The following PCDHGB4 variants were observed in gnomAD, a reference collection of about 807,000 sequenced individuals.
The protein encoded by PCDHGB4 is protocadherin gamma subfamily B, 4, also known as protocadherin gamma-B4.
Under a neutral mutation model 60.5 loss-of-function variants are expected in PCDHGB4, and 38 were observed. The observed-to-expected ratio is 0.63, with a 90% confidence interval of 0.48 to 0.82. The LOEUF is 0.82. PCDHGB4 is among the 40% of genes least tolerant of loss of function. The probability of loss-of-function intolerance (pLI) is 0.00; values close to 1 mark genes in which losing one functional copy is unlikely to be tolerated. For missense variants in PCDHGB4, 1,109 were observed against 1,209.6 expected, an observed-to-expected ratio of 0.92 and a Z score of 1.23; for synonymous variants, 456 against 509.7, an observed-to-expected ratio of 0.89 and a Z score of 1.42.
rs754836894 is a variant in PCDHGB4, at chr5:141,432,969, C to A, written c.2397+42688C>A. 6.2e-7 allele frequency: 1 copy of A among 1,614,148 alleles called. No individual in the cohort carries two copies. Among genetic ancestry groups the A allele is most frequent in the East Asian group, 2.2e-5 (1 of 44,852 alleles). ...GGAGGCGGCTTGACAGGAGCGCCGG[C>A]GTCGCACTTTGTGGGCGTGGACGGG... is the stretch of plus-strand genomic sequence containing the variant. On this transcript the variant is annotated intron_variant, in intron 1 of 3. Coordinates refer to ENST00000519479, the MANE Select transcript of PCDHGB4 (RefSeq NM_003736.4). This position sits in a 1 kb window ranked among gnomAD's most constrained non-coding sequence, Gnocchi z 6.0.
In PCDHGB4 at chr5:141,462,383, G is replaced by A. The variant is rs78537075; in HGVS notation, c.2398-32424G>A. Among the ~76,000 whole-genome samples the A allele has an allele frequency of 5.6e-4, 85 of 151,920 alleles. 1 individual carries two copies. In the East Asian group the frequency reaches 0.016, roughly 29 times the overall value. ...GTATAGTTTCTATTCTTTTAAATTC[G>A]TTAACATTTCTTTTATGGCACAGAA... On this transcript the variant is annotated intron_variant, in intron 1 of 3. Transcript: ENST00000519479.
chr5:141,442,343 G>A (rs1300318674), intron 1 of PCDHGB4: 1 of 152,336 alleles, frequency 6.6e-6, no homozygotes, highest in African/African-American at 2.4e-5. Context: ...CAGGTTTCTG[G>A]GTAACTGTAG....
chr5:141,389,676 C>T lies in PCDHGB4; in HGVS notation c.1792C>T (p.His598Tyr). ...AGTGGCGGTGGACGCAGACTCAGGA[C>T]ACAACGCCTGGCTGTCCTACCACGT... is the stretch of plus-strand genomic sequence containing the variant. ...KVVAVDADSG[H>Y]NAWLSYHVLQ... The change falls in exon 1 of 4, where the codon CAC (histidine) becomes TAC (tyrosine). Residue 598 changes from histidine to tyrosine, a missense_variant. Physicochemically the swap from His to Tyr is moderately conservative, Grantham distance 83. Around this residue, in one of 2 missense-constraint regions of PCDHGB4, gnomAD observed 1,068 missense variants for 1,089.9 expected, o/e 0.98. Transcript: ENST00000519479. The T allele has an allele frequency of 6.2e-7, 1 of 1,612,444 alleles. No homozygotes were observed. Among genetic ancestry groups the T allele is most frequent in the Non-Finnish European group, 8.5e-7 (1 of 1,179,806 alleles).
chr5:141,467,874 G>T (rs926647135), intron 1 of PCDHGB4, among the ~76,000 whole-genome samples: 1 of 151,920 alleles, frequency 6.6e-6, no homozygotes, highest in Non-Finnish European at 1.5e-5. Context: ...GCCCAGGCTG[G>T]TCTCAAACTC....
intron 2 of PCDHGB4, among the ~76,000 whole-genome samples, chr5:141,499,022 A>C (rs1244590420): frequency 2.7e-5 from 4 of 150,722 alleles, no homozygotes; most frequent in Admixed American, 2.0e-4. Context: ...GGAAGGAAGG[A>C]AGGAAGAAAA....
chr5:141,418,363 C>G (rs147423305), intron 1 of PCDHGB4: 1 of 1,613,866 alleles, frequency 6.2e-7, no homozygotes, highest in Non-Finnish European at 8.5e-7. Context: ...ATTCGCTGAG[C>G]AAATACCAAC....
At chr5:141,428,154 T>G (rs760002801) in intron 1 of PCDHGB4, 29 of 1,578,806 alleles carry the variant, frequency 1.8e-5, no homozygotes, top group African/African-American at 1.3e-5. Flanking sequence ...CACGGGAACC[T>G]GCTGGTTGCT....
In PCDHGB4 at chr5:141,511,086, G is replaced by A. The variant is rs2099883600; in HGVS notation, c.2685G>A (p.Leu895=). The A allele has an allele frequency of 1.2e-6, 2 of 1,614,062 alleles. No individual in the cohort carries two copies. The highest frequency in any genetic ancestry group is 2.2e-5 in the East Asian group (1 of 44,886). The change falls in exon 4 of 4, where the codon CTG becomes CTA. Residue 895 remains leucine (L), a synonymous_variant. Transcript: ENST00000519479. ...ACATCCCAGGCAGCAATGCCACACT[G>A]ACCAACGCAGCTGGCAAGCGGGATG... is the stretch of plus-strand genomic sequence containing the variant. The part of the protein sequence containing the change: ...NVYIPGSNAT[L]TNAAGKRDGK...
intron 1 of PCDHGB4, chr5:141,417,768 C>T: frequency 6.9e-7 from 1 of 1,451,358 alleles, no homozygotes; most frequent in Non-Finnish European, 9.1e-7. Context: ...ACCCGGGACT[C>T]CTCCTGTCCT....
Position 141,489,363 on chromosome 5 carries a change from G to A in PCDHGB4, c.2398-5444G>A, listed in dbSNP as rs767837736. On this transcript the variant is annotated intron_variant, in intron 1 of 3. Transcript: ENST00000519479. This position sits in a 1 kb window ranked among gnomAD's most constrained non-coding sequence, Gnocchi z 4.5. ...ACTCAGTGGTGGAGGAGTCTGAGCC[G>A]GGGACGCTGGTGGGGAATGTTGCTC... 46 of 1,613,114 alleles carry A rather than the reference G, an allele frequency of 2.9e-5. 1 individual carries two copies. In the South Asian group the frequency reaches 3.4e-4, roughly 12 times the overall value.
chr5:141,511,241 C>A lies in PCDHGB4; in HGVS notation c.*68C>A. On this transcript the variant is annotated 3_prime_UTR_variant, in exon 4 of 4. Coordinates refer to ENST00000519479, the MANE Select transcript of PCDHGB4 (RefSeq NM_003736.4). ...CCAGCCCAGCTTCTCCTTACCTGCA[C>A]CCAGGCCTCAGAGTTTCAGGGCTAA... 1 of 1,585,212 alleles carries A rather than the reference C, an allele frequency of 6.3e-7. No individual in the cohort carries two copies. The highest frequency in any genetic ancestry group is 8.6e-7 in the Non-Finnish European group (1 of 1,165,762).
chr5:141,421,924 G>A, intron 1 of PCDHGB4: 1 of 1,613,564 alleles, frequency 6.2e-7, no homozygotes, highest in South Asian at 1.1e-5. Context: ...TCGTGTGGTG[G>A]TCCTCGATGT....
chr5:141,421,194 C>G, intron 1 of PCDHGB4: 1 of 1,498,922 alleles, frequency 6.7e-7, no homozygotes, highest in South Asian at 1.3e-5. Context: ...CCAACCAGCT[C>G]GAGAAACCGC....
At chr5:141,444,492 T>C (rs1052885639) in intron 1 of PCDHGB4, among the ~76,000 whole-genome samples, 1 of 152,122 alleles carries the variant, frequency 6.6e-6, no homozygotes, top group East Asian at 1.9e-4. Context: ...TTATATTGTG[T>C]AATACTTTGC....
In PCDHGB4 at chr5:141,476,299, C is replaced by T; in HGVS notation, c.2398-18508C>T. ...ACCTTGGTTTGGATCTCGGTAGCCT[C>T]TCAGCCCGCAGGTTCCGGGTGGTGT... On this transcript the variant is annotated intron_variant, in intron 1 of 3. Transcript: ENST00000519479. The surrounding 1 kb of genome is among the most constrained non-coding windows in gnomAD (Gnocchi z 7.6). The T allele has an allele frequency of 6.2e-7, 1 of 1,614,100 alleles. No individual in the cohort carries two copies. The highest frequency in any genetic ancestry group is 1.1e-5 in the South Asian group (1 of 91,074).
chr5:141,487,749 A>G lies in PCDHGB4; in HGVS notation c.2398-7058A>G, dbSNP rs574710316. 3.9e-5 allele frequency: 60 copies of G among 1,557,180 alleles called. No homozygotes were observed. The African/African-American group carries it at 5.6e-4, about 14-fold the overall frequency. ...GTCACCATTTTTGTAAGAGGTAACT[A>G]TGTGGTAGACGCTGTGCTTTGTAAC... is the stretch of plus-strand genomic sequence containing the variant. On this transcript the variant is annotated intron_variant, in intron 1 of 3. Coordinates refer to ENST00000519479, the MANE Select transcript of PCDHGB4 (RefSeq NM_003736.4). The surrounding 1 kb of genome is among the most constrained non-coding windows in gnomAD (Gnocchi z 5.0).
At chr5:141,392,987 G>T in intron 1 of PCDHGB4, 1 of 1,613,930 alleles carries the variant, frequency 6.2e-7, no homozygotes. Context: ...ACCCCCGGAA[G>T]CTGGCGAAGC....
In PCDHGB4 at chr5:141,485,569, T is replaced by C; in HGVS notation, c.2398-9238T>C. The C allele has an allele frequency of 6.2e-7, 1 of 1,612,664 alleles. No individual in the cohort carries two copies. Among genetic ancestry groups the C allele is most frequent in the Non-Finnish European group, 8.5e-7 (1 of 1,178,890 alleles). ...TAGATGTGAATGATCACGCCCCCCG[T>C]TTTCCGCGGCAGCAGCTGGACTTGG... On this transcript the variant is annotated intron_variant, in intron 1 of 3. Coordinates refer to ENST00000519479, the MANE Select transcript of PCDHGB4 (RefSeq NM_003736.4). This position sits in a 1 kb window ranked among gnomAD's most constrained non-coding sequence, Gnocchi z 5.7.
chr5:141,486,153 C>A lies in PCDHGB4; in HGVS notation c.2398-8654C>A, dbSNP rs1330257915. On this transcript the variant is annotated intron_variant, in intron 1 of 3. Coordinates refer to ENST00000519479, the MANE Select transcript of PCDHGB4 (RefSeq NM_003736.4). This position sits in a 1 kb window ranked among gnomAD's most constrained non-coding sequence, Gnocchi z 5.0. ...GATGTGCGGGCTCGCGATGGGGGTTCTCCAGCCATGGAGCAACATTGCAGC... is the reference window on the plus strand; with the variant it reads ...GATGTGCGGGCTCGCGATGGGGGTTATCCAGCCATGGAGCAACATTGCAGC... 6.2e-7 allele frequency: 1 copy of A among 1,614,202 alleles called. No individual in the cohort carries two copies. The highest frequency in any genetic ancestry group is 1.7e-5 in the Admixed American group (1 of 60,022).
Sources: gnomAD v4.1 joint callset for allele counts (sites outside exome capture counted in the v4.1 genomes callset) on GRCh38, gnomAD v4.1.1 for gene constraint, gnomAD v4.1.1 regional missense constraint, Gnocchi (gnomAD v3.1) non-coding constraint, MANE v1.5 for transcripts, NCBI Gene and HGNC (gene_info 2026-07-23, HGNC 2026-07-21) for gene names.